Variants in DOCK9 observed in about 807,000 individuals in gnomAD.
The protein encoded by DOCK9 is dedicator of cytokinesis 9.
DOCK9 carries 89 observed loss-of-function variants against 263.3 expected under a neutral mutation model. The ratio of observed to expected loss-of-function variants is 0.34; its 90% CI spans 0.28 to 0.40. The LOEUF (loss-of-function observed/expected upper bound fraction) is 0.40. Ranked by LOEUF, DOCK9 falls within the 10% of genes least tolerant of loss-of-function variation. The pLI is 1.00. For missense variants in DOCK9, 2,140 were observed against 2,603.4 expected (o/e 0.82, Z 3.87); for synonymous variants, 976 against 973.1 (o/e 1.00, Z -0.06).
intron 45 of DOCK9, among the ~76,000 whole-genome samples, chr13:98,821,193 T>C (rs1414164616): frequency 6.6e-6 from 1 of 152,168 alleles, no homozygotes; most frequent in Admixed American, 6.5e-5. Context: ...GCAGGACTCG[T>C]GCATGGTGAC....
chr13:99,027,474 C>T (rs78353093), intron 1 of DOCK9, among the ~76,000 whole-genome samples: 1,884 of 152,244 alleles, frequency 0.012, 25 homozygotes, highest in Middle Eastern at 0.041. Flanking sequence ...GCGAACACCA[C>T]GTGGAGTGCT....
In DOCK9 at chr13:98,825,555, A is replaced by C. The variant is rs1225783238; in HGVS notation, c.5024-1051T>G. On this transcript the variant is annotated intron_variant, in intron 44 of 52. Transcript: ENST00000682017. This position sits in a 1 kb window ranked among gnomAD's most constrained non-coding sequence, Gnocchi z 4.1. Reference sequence around the variant, plus strand: ...TGTTATATGGAAACAAGAGTCTCCCATGAAAAGCATTAATCTAGGAACTTG... The same window carrying C: ...TGTTATATGGAAACAAGAGTCTCCCCTGAAAAGCATTAATCTAGGAACTTG... Among the ~76,000 whole-genome samples the C allele has an allele frequency of 2.6e-5, 4 of 152,224 alleles. No homozygotes were observed. The highest frequency in any genetic ancestry group is 9.6e-5 in the African/African-American group (4 of 41,466).
At chr13:99,002,538 G>A (rs1264662283) in intron 1 of DOCK9, among the ~76,000 whole-genome samples, 1 of 152,070 alleles carries the variant, frequency 6.6e-6, no homozygotes, top group Non-Finnish European at 1.5e-5. Context: ...CCTTCTCCAC[G>A]GTCCCTGGTC....
At chr13:98,953,655 G>C (rs1320277049) in intron 2 of DOCK9, among the ~76,000 whole-genome samples, 3 of 152,284 alleles carry the variant, frequency 2.0e-5, no homozygotes, top group Middle Eastern at 3.4e-3. Context: ...AACACTACAG[G>C]AAAATCTTGT....
intron 33 of DOCK9, chr13:98,856,656 G>A (rs778863727): frequency 3.3e-5 from 5 of 152,262 alleles, no homozygotes; most frequent in Non-Finnish European, 5.9e-5. Context: ...CTGAGAAGCT[G>A]TCAGTGTCCA....
intron 49 of DOCK9, among the ~76,000 whole-genome samples, chr13:98,803,773 G>T (rs1430543599): frequency 6.6e-6 from 1 of 152,092 alleles, no homozygotes; most frequent in Non-Finnish European, 1.5e-5. Context: ...TGTTTGTGAG[G>T]ACAATATTAT....
intron 28 of DOCK9, 35 bp from the exon 29 acceptor site, chr13:98,868,046 G>A: frequency 6.3e-7 from 1 of 1,598,264 alleles, no homozygotes. Flanking sequence ...GTTATTTCAG[G>A]TCCAAACATT....
intron 9 of DOCK9, among the ~76,000 whole-genome samples, chr13:98,913,228 T>C (rs748611916): frequency 6.6e-6 from 1 of 152,226 alleles, no homozygotes; most frequent in Non-Finnish European, 1.5e-5. Flanking sequence ...ACCATGTTTC[T>C]ATTATAGTGT....
chr13:98,796,519 TG>T (rs931195152), intron 52 of DOCK9, among the ~76,000 whole-genome samples: 3 of 152,172 alleles, frequency 2.0e-5, no homozygotes, highest in Non-Finnish European at 1.5e-5. Context: ...CTGTCTCCTC[TG>T]TGACAACTGA....
chr13:98,795,454 G>A (rs1211211267), intron 52 of DOCK9, among the ~76,000 whole-genome samples: 8 of 152,232 alleles, frequency 5.3e-5, no homozygotes, highest in Admixed American at 2.6e-4. Context: ...CGGCCCTTCA[G>A]GGGTTCACGG....
At chr13:98,943,513 A>G (rs2056263113) in intron 2 of DOCK9, among the ~76,000 whole-genome samples, 1 of 152,082 alleles carries the variant, frequency 6.6e-6, no homozygotes, top group African/African-American at 2.4e-5. Flanking sequence ...ATTTCCTTTA[A>G]GGACTCTTCG....
intron 1 of DOCK9, among the ~76,000 whole-genome samples, chr13:99,079,802 T>G (rs6491481): frequency 1 from 151,932 of 151,994 alleles, 75,935 homozygotes; most frequent in Middle Eastern, 1. Context: ...CACTTTGGGA[T>G]GCCGAAGTGG....
At chr13:98,849,944 GT>G in intron 36 of DOCK9, 102 bp downstream of exon 36, 1 of 796,660 alleles carries the variant, frequency 1.3e-6, no homozygotes, top group Non-Finnish European at 2.0e-6. Flanking sequence ...AAGTGAGGAT[GT>G]GACATACACT....
intron 27 of DOCK9, among the ~76,000 whole-genome samples, chr13:98,877,269 T>C (rs768235433): frequency 1.3e-5 from 2 of 152,366 alleles, no homozygotes; most frequent in South Asian, 2.1e-4. Flanking sequence ...GAACAGAAGA[T>C]ACCTTTCAGG....
intron 45 of DOCK9, chr13:98,820,770 T>A (rs75751959): frequency 0.041 from 14,155 of 345,524 alleles, 425 homozygotes; most frequent in Middle Eastern, 0.088. Context: ...CAAGTCTGGG[T>A]CTGTCTAGTA....
At chr13:98,887,319 A>C (rs2045916455) in intron 18 of DOCK9, among the ~76,000 whole-genome samples, 1 of 151,352 alleles carries the variant, frequency 6.6e-6, no homozygotes, top group African/African-American at 2.4e-5. Context: ...CCCTCACCTA[A>C]AACATATGGA....
exon 1 of DOCK9, chr13:99,086,536 G>T: frequency 4.6e-6 from 1 of 218,690 alleles, no homozygotes; most frequent in Non-Finnish European, 7.6e-6. Context: ...TCTGCACCGT[G>T]TCACGCCCCA....
chr13:99,087,825 G>A (rs1017598170), upstream of DOCK9: 1 of 152,310 alleles, frequency 6.6e-6, no homozygotes, highest in Admixed American at 6.5e-5. Flanking sequence ...CCTTCCGATG[G>A]ACAGTTCCTT....
At position 98,864,886 on chromosome 13, in the gene DOCK9, G is replaced by A. The variant is rs144984097; in HGVS notation, c.3287-1338C>T. On this transcript the variant is annotated intron_variant, in intron 30 of 52. Coordinates refer to ENST00000682017, the MANE Select transcript of DOCK9 (RefSeq NM_001366683.2). The stretch of plus-strand genomic sequence containing the variant: ...GTTCATGCGAGATCTGGTTGTTTAC[G>A]AGAGTGTGGCGCCTCACTCCTCGTC... Among the ~76,000 whole-genome samples, 381 of 152,106 alleles carry A rather than the reference G, an allele frequency of 2.5e-3. 6 individuals carry two copies. The highest frequency in any genetic ancestry group is 0.023 in the Admixed American group (359 of 15,282).
Sources: allele counts gnomAD v4.1 joint callset (sites outside exome capture counted in the v4.1 genomes callset), GRCh38; gene constraint gnomAD v4.1.1; non-coding constraint Gnocchi (gnomAD v3.1); transcripts MANE v1.5; gene names NCBI Gene and HGNC (gene_info 2026-07-23, HGNC 2026-07-21).